Variants in CNTN4 observed in about 807,000 individuals in gnomAD.
CNTN4 encodes contactin 4.
CNTN4 carries 77 observed loss-of-function variants against 122.5 expected under a neutral mutation model. The ratio of observed to expected loss-of-function variants is 0.63; its 90% confidence interval spans 0.52 to 0.76. The LOEUF (loss-of-function observed/expected upper bound fraction) is 0.76. Among genes scored for constraint, CNTN4 ranks in the 30% least tolerant of loss-of-function variants. CNTN4 has a pLI of 0.00. For synonymous variants in CNTN4, 512 were observed against 447.0 expected, an observed-to-expected ratio of 1.15 and a Z score of -1.83; for missense variants, 1,256 against 1,259.1, an observed-to-expected ratio of 1.00 and a Z score of 0.04.
At chr3:2,532,583 A>G (rs946546171) in intron 3 of CNTN4, among the ~76,000 whole-genome samples, 1 of 152,188 alleles carries the variant, frequency 6.6e-6, no homozygotes, top group African/African-American at 2.4e-5. Flanking sequence ...GAAAGCAACC[A>G]CTTTTTAAAC....
intron 2 of CNTN4, among the ~76,000 whole-genome samples, chr3:2,108,165 CTTTTTTTT>C (rs55760208): frequency 3.2e-5 from 4 of 124,054 alleles, no homozygotes; most frequent in African/African-American, 6.0e-5. Flanking sequence ...TGTGCCTTTT[CTTTTTTTT>C]TTTTTTTTTT....
At chr3:2,636,126 T>C (rs9809221) in intron 4 of CNTN4, among the ~76,000 whole-genome samples, 7,941 of 152,274 alleles carry the variant, frequency 0.052, 331 homozygotes, top group African/African-American at 0.12. Context: ...ACAATACTTG[T>C]TGTCCCAGTG....
At chr3:2,169,767 A>G (rs1357104898) in intron 2 of CNTN4, among the ~76,000 whole-genome samples, 3 of 152,204 alleles carry the variant, frequency 2.0e-5, no homozygotes, top group Admixed American at 2.0e-4. Context: ...GTAAACAGTA[A>G]AACTGTTTCT....
intron 2 of CNTN4, among the ~76,000 whole-genome samples, chr3:2,234,370 C>CAAAAAAAAAAAAAAAAAAAAA (rs72401999): frequency 3.2e-5 from 3 of 94,742 alleles, no homozygotes; most frequent in African/African-American, 1.1e-4. Context: ...AAGTCCATCT[C>CAAAAAAAAAAAAAAAAAAAAA]AAAAAAAAAA....
intron 2 of CNTN4, among the ~76,000 whole-genome samples, chr3:2,244,256 T>G (rs2040057148): frequency 6.6e-6 from 1 of 152,134 alleles, no homozygotes; most frequent in African/African-American, 2.4e-5. Context: ...TGTGTGTCTC[T>G]CTGTCATCTC....
intron 8 of CNTN4, among the ~76,000 whole-genome samples, chr3:2,876,322 C>A (rs907761880): frequency 1.3e-5 from 2 of 152,108 alleles, no homozygotes; most frequent in Non-Finnish European, 2.9e-5. Context: ...TGCCTTTTTT[C>A]AAAAGGGCAA....
rs115891772 is a variant in CNTN4 at position 2,588,505 on chromosome 3, A to T, written c.55+16947A>T. On this transcript the variant is annotated intron_variant, in intron 4 of 24. Transcript: ENST00000418658. ...CCTCAGCCTCCAAGTAGCTGGGATTATAGGCTCTCACCACCATGCCCAACT... is the reference window on the plus strand; with the variant it reads ...CCTCAGCCTCCAAGTAGCTGGGATTTTAGGCTCTCACCACCATGCCCAACT... 7.7e-3 allele frequency among the ~76,000 whole-genome samples: 1,176 copies of T among 152,048 alleles called. 15 individuals are homozygous for T. Among genetic ancestry groups the T allele is most frequent in the Admixed American group, 0.027 (415 of 15,266 alleles).
intron 2 of CNTN4, among the ~76,000 whole-genome samples, chr3:2,291,096 T>C (rs1042969326): frequency 1.3e-5 from 2 of 152,200 alleles, no homozygotes; most frequent in Non-Finnish European, 2.9e-5. Context: ...CCATGGCCAC[T>C]GAGAATCTAG....
intron 2 of CNTN4, among the ~76,000 whole-genome samples, chr3:2,259,689 TG>T (rs546000418): frequency 7.9e-4 from 121 of 152,270 alleles, no homozygotes; most frequent in African/African-American, 2.7e-3. Flanking sequence ...GAGAACAGTA[TG>T]GGGCAAACCA....
At chr3:2,129,097 T>C (rs1218819514) in intron 2 of CNTN4, among the ~76,000 whole-genome samples, 1 of 152,114 alleles carries the variant, frequency 6.6e-6, no homozygotes, top group East Asian at 1.9e-4. Context: ...AAAGGCCAAA[T>C]CAACTATTTA....
chr3:2,614,057 C>T (rs1220498971), intron 4 of CNTN4, among the ~76,000 whole-genome samples: 2 of 152,004 alleles, frequency 1.3e-5, no homozygotes, highest in African/African-American at 4.8e-5. Flanking sequence ...TCAGAGAAGT[C>T]AACAAAAACA....
At chr3:2,560,366 T>A (rs1575994493) in intron 3 of CNTN4, among the ~76,000 whole-genome samples, 1 of 152,126 alleles carries the variant, frequency 6.6e-6, no homozygotes, top group African/African-American at 2.4e-5. Context: ...GGTCTCGAAT[T>A]TCTGGGCTCA....
chr3:3,033,981 T>G (rs1699390899), intron 16 of CNTN4, among the ~76,000 whole-genome samples: 7 of 152,190 alleles, frequency 4.6e-5, no homozygotes, highest in Admixed American at 2.6e-4. Flanking sequence ...ATTTTGAAAT[T>G]GCTTTGAAGA....
chr3:3,038,831 T>C, intron 18 of CNTN4, 102 bp from the exon 19 acceptor site: 1 of 881,838 alleles, frequency 1.1e-6, no homozygotes, highest in East Asian at 2.4e-5. Context: ...GGGGCGTGCC[T>C]CAGAGTACTC....
intron 2 of CNTN4, among the ~76,000 whole-genome samples, chr3:2,327,633 T>C (rs2043518151): frequency 6.6e-6 from 1 of 152,128 alleles, no homozygotes; most frequent in Admixed American, 6.5e-5. Context: ...GCAGATCTCA[T>C]TAAGGAACAT....
chr3:2,781,917 G>A (rs539612269), intron 6 of CNTN4, among the ~76,000 whole-genome samples: 15 of 136,686 alleles, frequency 1.1e-4, no homozygotes, highest in African/African-American at 3.3e-4. Flanking sequence ...TAGAGACGGG[G>A]CTTCACCGTG....
chr3:2,471,288 A>T (rs1474351623), intron 3 of CNTN4, among the ~76,000 whole-genome samples: 1 of 152,228 alleles, frequency 6.6e-6, no homozygotes, highest in Non-Finnish European at 1.5e-5. Flanking sequence ...GACTTGATTT[A>T]TTCAGGAAGG....
intron 23 of CNTN4, among the ~76,000 whole-genome samples, chr3:3,047,185 T>G (rs1700745866): frequency 6.6e-6 from 1 of 151,786 alleles, no homozygotes; most frequent in Non-Finnish European, 1.5e-5. Flanking sequence ...ACGGGAGACT[T>G]TAACACCCCA....
At chr3:2,588,941 A>G (rs1334050951) in intron 4 of CNTN4, among the ~76,000 whole-genome samples, 1 of 152,150 alleles carries the variant, frequency 6.6e-6, no homozygotes, top group African/African-American at 2.4e-5. Flanking sequence ...ATTTTAACTC[A>G]TGTACTAGGT....
Sources: allele counts gnomAD v4.1 joint callset (sites outside exome capture counted in the v4.1 genomes callset), GRCh38; gene constraint gnomAD v4.1.1; transcripts MANE v1.5; gene names NCBI Gene and HGNC (gene_info 2026-07-23, HGNC 2026-07-21).